ATAD3B: variants seen among roughly 807,000 people sequenced by gnomAD.
ATAD3B encodes ATPase family AAA domain containing 3B.
A neutral mutation model predicts 70.2 loss-of-function variants in ATAD3B; 59 were observed. That is an observed-to-expected ratio of 0.84 (90% CI 0.68 to 1.04). The LOEUF (loss-of-function observed/expected upper bound fraction) is 1.04. Among genes scored for constraint, ATAD3B ranks in the 50% least tolerant of loss-of-function variants. ATAD3B has a pLI of 0.00. For missense variants in ATAD3B, 961 were observed against 913.4 expected (o/e 1.05, Z -0.67); for synonymous variants, 423 against 388.6 (o/e 1.09, Z -1.04).
chr1:1,503,543 G>A, the ATAD3B span: 30 of 1,583,750 alleles, frequency 1.9e-5, no homozygotes, highest in Non-Finnish European at 2.1e-5. Flanking sequence ...AGCGGCATCC[G>A]TGTATCCTAA....
intron 2 of ATAD3B, chr1:1,478,424 G>C (rs1185783595): frequency 1.3e-6 from 2 of 1,514,646 alleles, no homozygotes; most frequent in African/African-American, 2.8e-5. Flanking sequence ...CCTCCCCGGG[G>C]GCCTTCGCAG....
rs779880913 is a variant in ATAD3B, at chr1:1,487,965, G to A, written c.1266+51G>A. ...GCCACAGGAGGGTGGTCGGGTGGGC[G>A]CGGCTGTCATCCTGGGCCAGGCTGC... On this transcript the variant is annotated intron_variant, in intron 12 of 15. Coordinates refer to ENST00000673477, the MANE Select transcript of ATAD3B (RefSeq NM_031921.6). 58 of 1,605,634 alleles carry A rather than the reference G, an allele frequency of 3.6e-5. No homozygotes were observed. The East Asian group carries it at 1.2e-3, about 33-fold the overall frequency.
chr1:1,485,236 C>T (rs1016225787), intron 8 of ATAD3B, 65 bp downstream of exon 8: 97 of 1,585,482 alleles, frequency 6.1e-5, no homozygotes, highest in Non-Finnish European at 8.2e-5. Context: ...GCCCCACGAG[C>T]ACAGCCCACG....
chr1:1,491,637 G>A (rs1019183884), intron 15 of ATAD3B, among the ~76,000 whole-genome samples: 22 of 152,024 alleles, frequency 1.4e-4, no homozygotes, highest in African/African-American at 3.9e-4. Flanking sequence ...TCTGGGGTCC[G>A]CAGAGTCTGT....
At chr1:1,476,082 A>C (rs1429613481) in intron 1 of ATAD3B, among the ~76,000 whole-genome samples, 2 of 139,970 alleles carry the variant, frequency 1.4e-5, no homozygotes, top group African/African-American at 3.1e-5. Flanking sequence ...TCCCGAGTTT[A>C]GCAGCCAAAC....
downstream of ATAD3B, among the ~76,000 whole-genome samples, chr1:1,498,397 AG>A (rs1413438139): frequency 6.6e-6 from 1 of 151,872 alleles, no homozygotes; most frequent in Non-Finnish European, 1.5e-5. Flanking sequence ...CATGGGAGGC[AG>A]AGGTGACAGC....
downstream of ATAD3B, among the ~76,000 whole-genome samples, chr1:1,502,104 C>T (rs186280743): frequency 6.6e-6 from 1 of 152,000 alleles, no homozygotes; most frequent in African/African-American, 2.4e-5. Context: ...GTCTTGAACT[C>T]CTGACCTCAG....
the ATAD3B span, among the ~76,000 whole-genome samples, chr1:1,505,390 G>A: frequency 8.5e-5 from 13 of 152,204 alleles, no homozygotes; most frequent in African/African-American, 2.4e-4. Context: ...ACGTGAAGGC[G>A]GACTAGGAGT....
chr1:1,478,967 C>T (rs1378275156), intron 3 of ATAD3B, 82 bp from the exon 4 acceptor site: 11 of 728,828 alleles, frequency 1.5e-5, no homozygotes, highest in African/African-American at 7.5e-5. Flanking sequence ...GATGGCGCGT[C>T]GGAGTCCCCG....
rs955115471 is a variant in ATAD3B at position 1,490,012 on chromosome 1, G to A, written c.1338-245G>A. On this transcript the variant is annotated intron_variant, in intron 13 of 15. Transcript: ENST00000673477. ...CCTATCAGGCTGGGCGAGGGTCAGC[G>A]GGGAAGTACCACACAGGGCAAGAAC... 6.1e-5 allele frequency: 83 copies of A among 1,359,032 alleles called. 3 individuals are homozygous for A. The highest frequency in any genetic ancestry group is 4.3e-4 in the South Asian group (28 of 65,354). 84.2% of individuals were successfully genotyped at this position (1,359,032 alleles called of 1,614,324 possible). A position where few individuals can be genotyped will look rare whatever the true frequency, so the allele number is the denominator to read the frequency against.
the ATAD3B span, chr1:1,503,703 G>A: frequency 1.4e-5 from 22 of 1,605,480 alleles, no homozygotes; most frequent in Non-Finnish European, 1.9e-5. Context: ...GGGCGCACAT[G>A]GGGTTCGGGC....
At chr1:1,502,555 A>T (rs1476780837), downstream of ATAD3B, among the ~76,000 whole-genome samples, 1 of 121,828 alleles carries the variant, frequency 8.2e-6, no homozygotes, top group Non-Finnish European at 1.6e-5. Context: ...TCTGTCGCTG[A>T]GGCTGGAGTC....
rs1347865497 is a variant in ATAD3B at position 1,485,100 on chromosome 1, C to G, written c.835C>G (p.Leu279Val). 1 of 1,610,150 alleles carries G rather than the reference C, an allele frequency of 6.2e-7. No individual in the cohort carries two copies. The highest frequency in any genetic ancestry group is 1.1e-5 in the South Asian group (1 of 90,768). The change falls in exon 8 of 16, where the codon CTG (leucine) becomes GTG (valine). Residue 279 changes from leucine (L) to valine (V), a missense_variant. Physicochemically the swap from Leu to Val is conservative, Grantham distance 32. This residue lies in a region of ATAD3B where 349 missense variants were observed against 307.5 expected (regional missense o/e 1.14). Coordinates refer to ENST00000673477, the MANE Select transcript of ATAD3B (RefSeq NM_031921.6). ...AVTGRFIEAR[L>V]GKPSLVRETS... ...CACTGGCCGCTTCATCGAGGCTCGGCTGGGGAAGCCGTCCCTAGTGAGGGA... is the reference window on the plus strand; with the variant it reads ...CACTGGCCGCTTCATCGAGGCTCGGGTGGGGAAGCCGTCCCTAGTGAGGGA...
rs997216531 is a variant in ATAD3B at position 1,480,793 on chromosome 1, C to T, written c.445-74C>T. ...TGGAGTTCTGTGGTCCTGGGGCGGACGCAACCTCTGGATTGGTGTTGAGCA... is the reference window on the plus strand; with the variant it reads ...TGGAGTTCTGTGGTCCTGGGGCGGATGCAACCTCTGGATTGGTGTTGAGCA... On this transcript the variant is annotated intron_variant, in intron 4 of 15. Coordinates refer to ENST00000673477, the MANE Select transcript of ATAD3B (RefSeq NM_031921.6). The T allele has an allele frequency of 5.6e-5, 88 of 1,585,340 alleles. 8 individuals are homozygous for T. The highest frequency in any genetic ancestry group is 3.4e-4 in the Middle Eastern group (2 of 5,874).
the ATAD3B span, among the ~76,000 whole-genome samples, chr1:1,508,845 A>G: frequency 2.6e-5 from 4 of 151,656 alleles, no homozygotes; most frequent in East Asian, 1.9e-4. Flanking sequence ...GAGGTGCACT[A>G]TGACCCGGGG....
At chr1:1,484,725 T>A (rs1350437350) in intron 7 of ATAD3B, 4 of 628,770 alleles carry the variant, frequency 6.4e-6, no homozygotes. Flanking sequence ...CCCTGTGACA[T>A]CCAGCTGGGT....
intron 1 of ATAD3B, among the ~76,000 whole-genome samples, chr1:1,475,544 G>C (rs1475907294): frequency 2.0e-5 from 3 of 151,930 alleles, no homozygotes; most frequent in African/African-American, 7.2e-5. Flanking sequence ...TCTGTCCCTT[G>C]AGGCTATAGC....
intron 12 of ATAD3B, 151 bp downstream of exon 12, chr1:1,488,065 C>T: frequency 1.8e-6 from 2 of 1,142,406 alleles, no homozygotes; most frequent in Non-Finnish European, 1.3e-6. Flanking sequence ...AGCTGCTCTC[C>T]TGCCTCAGCC....
At position 1,495,895 on chromosome 1, in the gene ATAD3B, A is replaced by C; in HGVS notation, c.*78A>C. ...GAGATGCATTTTCCGTCTGGCTCAC[A>C]GGGGGAGGGTGAGGCTTTGTACCCC... On this transcript the variant is annotated 3_prime_UTR_variant, in exon 16 of 16. Coordinates refer to ENST00000673477, the MANE Select transcript of ATAD3B (RefSeq NM_031921.6). The C allele has an allele frequency of 6.8e-7, 1 of 1,471,628 alleles. No individual in the cohort carries two copies. Among genetic ancestry groups the C allele is most frequent in the South Asian group, 1.4e-5 (1 of 71,926 alleles). The allele number at this position is 1,471,628 out of a possible 1,614,324, so 91.2% of individuals were successfully genotyped here.
Sources: gnomAD v4.1 joint callset for allele counts (sites outside exome capture counted in the v4.1 genomes callset) on GRCh38, gnomAD v4.1.1 for gene constraint, gnomAD v4.1.1 regional missense constraint, MANE v1.5 for transcripts, NCBI Gene and HGNC (gene_info 2026-07-23, HGNC 2026-07-21) for gene names.